Variants in NUP205 observed in about 807,000 individuals in gnomAD.
The protein encoded by NUP205 is nucleoporin 205.
NUP205 carries 76 observed loss-of-function variants against 253.8 expected under a neutral mutation model. The ratio of observed to expected loss-of-function variants is 0.30; its 90% CI spans 0.25 to 0.36. The LOEUF is 0.36. Ranked by LOEUF, NUP205 falls within the 10% of genes least tolerant of loss-of-function variation. NUP205 has a pLI of 1.00. For missense variants in NUP205, 2,162 were observed against 2,425.5 expected (o/e 0.89, Z 2.28); for synonymous variants, 832 against 850.1 (o/e 0.98, Z 0.37).
chr7:135,571,774 C>A (rs114499005), intron 2 of NUP205, among the ~76,000 whole-genome samples: 1 of 152,094 alleles, frequency 6.6e-6, no homozygotes, highest in East Asian at 1.9e-4. Flanking sequence ...ATCACCCTGT[C>A]GTGCTATCAA....
At chr7:135,638,080 C>A (rs1347547784) in intron 37 of NUP205, 21 bp downstream of exon 37, 2 of 1,602,110 alleles carry the variant, frequency 1.2e-6, no homozygotes, top group Admixed American at 1.8e-5. Context: ...TGTGACTTCT[C>A]TAAGGTTTTT....
intron 30 of NUP205, 57 bp downstream of exon 30, chr7:135,619,945 G>T (rs879033701): frequency 3.8e-6 from 4 of 1,046,222 alleles, no homozygotes; most frequent in East Asian, 5.1e-5. Flanking sequence ...ACTTTAAATT[G>T]AAAAAAAAAA....
chr7:135,566,437 T>G (rs536222172), intron 1 of NUP205, among the ~76,000 whole-genome samples: 22 of 152,228 alleles, frequency 1.4e-4, no homozygotes, highest in Non-Finnish European at 2.9e-4. Flanking sequence ...TAGGTACTCA[T>G]GTTGCCTTGT....
At chr7:135,607,109 A>T (rs1794102406) in intron 21 of NUP205, 138 bp from the exon 22 acceptor site, 2 of 1,242,118 alleles carry the variant, frequency 1.6e-6, no homozygotes, top group African/African-American at 3.0e-5. Flanking sequence ...AGCCTTTATC[A>T]ATTTTCTGTT....
In NUP205 at chr7:135,635,617, G is replaced by A; in HGVS notation, c.5096G>A (p.Gly1699Glu). Residue 1699 changes from glycine to glutamate, a missense_variant, in exon 36 of 43, where the codon GGG becomes GAG. Coordinates refer to ENST00000285968, the MANE Select transcript of NUP205 (RefSeq NM_015135.3). ...LSELDVDVNE[G>E]SLMELQGHIG... is the part of the protein sequence containing the mutation. ...GAACTTGACGTTGATGTAAATGAAG[G>A]GTCTCTAATGGAGCTACAGGGACAT... is the stretch of plus-strand genomic sequence containing the variant. 6.3e-7 allele frequency: 1 copy of A among 1,593,744 alleles called. No individual in the cohort carries two copies. The highest frequency in any genetic ancestry group is 8.6e-7 in the Non-Finnish European group (1 of 1,164,260).
Position 135,622,874 on chromosome 7 carries a change from C to T in NUP205, c.4428C>T (p.Ala1476=). Residue 1476 remains alanine (A), a synonymous_variant, in exon 31 of 43, where the codon GCC becomes GCT. Coordinates refer to ENST00000285968, the MANE Select transcript of NUP205 (RefSeq NM_015135.3). ...NIAIIESYGA[A]LMEVVCRDAC... ...CCATTATTGAAAGTTATGGCGCCGC[C>T]CTCATGGAAGTGGTCTGTCGAGATG... 6.2e-7 allele frequency: 1 copy of T among 1,614,046 alleles called. No homozygotes were observed. The highest frequency in any genetic ancestry group is 2.2e-5 in the East Asian group (1 of 44,880).
Position 135,578,735 on chromosome 7 carries a change from A to G in NUP205, c.878-16A>G, listed in dbSNP as rs767363206. 10 of 1,576,138 alleles carry G rather than the reference A, an allele frequency of 6.3e-6. No homozygotes were observed. Among genetic ancestry groups the G allele is most frequent in the South Asian group, 2.3e-5 (2 of 85,626 alleles). ...TATCTGGTGATCGGTAAAGTGGTCT[A>G]TTTTTGTGTTTTCAGATATGATTCA... On this transcript the variant is annotated splice_polypyrimidine_tract_variant and intron_variant, in intron 6 of 42. Coordinates refer to ENST00000285968, the MANE Select transcript of NUP205 (RefSeq NM_015135.3).
intron 17 of NUP205, among the ~76,000 whole-genome samples, chr7:135,602,262 G>A (rs12532910): frequency 0.034 from 5,168 of 152,322 alleles, 117 homozygotes; most frequent in Middle Eastern, 0.1. Flanking sequence ...TGATTGGTAA[G>A]ATTATAGGTG....
chr7:135,634,901 G>A (rs1184589242), intron 35 of NUP205, among the ~76,000 whole-genome samples: 1 of 152,206 alleles, frequency 6.6e-6, no homozygotes. Flanking sequence ...GCTTGGAAGT[G>A]AGTACGAAGT....
At chr7:135,591,276 G>T (rs1446771470) in intron 10 of NUP205, among the ~76,000 whole-genome samples, 174 bp from the exon 11 acceptor site, 3 of 152,066 alleles carry the variant, frequency 2.0e-5, no homozygotes, top group Non-Finnish European at 2.9e-5. Flanking sequence ...GCATTAAATT[G>T]CTAATGACAA....
chr7:135,626,857 T>G (rs1794601890), intron 33 of NUP205, among the ~76,000 whole-genome samples: 1 of 152,220 alleles, frequency 6.6e-6, no homozygotes, highest in African/African-American at 2.4e-5. Flanking sequence ...ATTTTCTTTT[T>G]TGTTTACATG....
chr7:135,566,596 T>A (rs1224395079), intron 1 of NUP205, among the ~76,000 whole-genome samples: 14 of 152,158 alleles, frequency 9.2e-5, no homozygotes, highest in Admixed American at 9.2e-4. Context: ...ATTCCTCACA[T>A]CCCCACATCA....
At chr7:135,646,321 G>A (rs1183931684) in intron 42 of NUP205, 90 bp downstream of exon 42, 1 of 938,710 alleles carries the variant, frequency 1.1e-6, no homozygotes, top group Non-Finnish European at 1.7e-6. Flanking sequence ...CCAGCATTTT[G>A]GGAGGCCGAG....
chr7:135,569,272 C>T (rs1461068661), intron 1 of NUP205, among the ~76,000 whole-genome samples: 2 of 152,094 alleles, frequency 1.3e-5, no homozygotes, highest in African/African-American at 4.8e-5. Context: ...GGGGTTTCAC[C>T]ATGTAGGCCA....
chr7:135,609,661 G>GA (rs1169136173), intron 22 of NUP205, among the ~76,000 whole-genome samples: 2 of 150,948 alleles, frequency 1.3e-5, no homozygotes, highest in East Asian at 3.9e-4. Flanking sequence ...AAAAAAAAAA[G>GA]AAATGCATCA....
chr7:135,592,566 T>C (rs1806657433), intron 11 of NUP205, among the ~76,000 whole-genome samples: 1 of 152,234 alleles, frequency 6.6e-6, no homozygotes, highest in Non-Finnish European at 1.5e-5. Flanking sequence ...AGAGATTGCC[T>C]TTGTGCTAAG....
At chr7:135,646,569 A>T (rs973664092) in intron 42 of NUP205, among the ~76,000 whole-genome samples, 27 of 152,274 alleles carry the variant, frequency 1.8e-4, no homozygotes, top group Middle Eastern at 6.8e-3. Context: ...CAATAAATGA[A>T]TGAAAGAGTG....
intron 25 of NUP205, 41 bp downstream of exon 25, chr7:135,616,767 A>T: frequency 8.4e-7 from 1 of 1,196,306 alleles, no homozygotes; most frequent in South Asian, 1.7e-5. Context: ...TTTTATAGAC[A>T]TATATTAAAA....
chr7:135,621,991 A>G (rs1163021653), intron 30 of NUP205, among the ~76,000 whole-genome samples: 1 of 151,834 alleles, frequency 6.6e-6, no homozygotes, highest in Non-Finnish European at 1.5e-5. Context: ...TTTAGTAGAG[A>G]CGGGGTTTCA....
Sources: gnomAD v4.1 joint callset for allele counts (sites outside exome capture counted in the v4.1 genomes callset) on GRCh38, gnomAD v4.1.1 for gene constraint, MANE v1.5 for transcripts, NCBI Gene and HGNC (gene_info 2026-07-23, HGNC 2026-07-21) for gene names.